RPS6KC1: variants seen among roughly 807,000 people sequenced by gnomAD.
RPS6KC1 encodes the protein inactive ribosomal protein S6 kinase delta-1.
RPS6KC1 carries 54 observed loss-of-function variants against 103.8 expected under a neutral mutation model. The observed-to-expected ratio is 0.52, with a 90% CI of 0.42 to 0.65. The LOEUF (loss-of-function observed/expected upper bound fraction) is 0.65, where lower values mean the gene tolerates loss of function less well. Among genes scored for constraint, RPS6KC1 ranks in the 30% least tolerant of loss-of-function variants. The pLI is 0.00. For missense variants in RPS6KC1, 1,151 were observed against 1,253.8 expected, an observed-to-expected ratio of 0.92 and a Z score of 1.24; for synonymous variants, 439 against 438.7, an observed-to-expected ratio of 1.00 and a Z score of -0.01.
intron 8 of RPS6KC1, among the ~76,000 whole-genome samples, chr1:213,192,048 C>G (rs2092767962): frequency 6.6e-6 from 1 of 152,038 alleles, no homozygotes; most frequent in African/African-American, 2.4e-5. Flanking sequence ...GCCACTGCAC[C>G]CAGCTGAGGT....
the RPS6KC1 span, among the ~76,000 whole-genome samples, chr1:213,307,699 C>T: frequency 3.9e-5 from 6 of 152,260 alleles, no homozygotes; most frequent in African/African-American, 7.2e-5. Flanking sequence ...CAAAGATCAG[C>T]GGGGTCTCCC....
intron 6 of RPS6KC1, among the ~76,000 whole-genome samples, chr1:213,155,341 C>A (rs1319364107): frequency 6.6e-6 from 1 of 152,138 alleles, no homozygotes; most frequent in African/African-American, 2.4e-5. Context: ...AGTTGCAGTC[C>A]TTATGGCCTC....
intron 8 of RPS6KC1, among the ~76,000 whole-genome samples, chr1:213,199,079 T>G (rs779293823): frequency 6.6e-6 from 1 of 152,302 alleles, no homozygotes; most frequent in Non-Finnish European, 1.5e-5. Context: ...GAAGAGCTGG[T>G]ATCATTCCCA....
intron 14 of RPS6KC1, among the ~76,000 whole-genome samples, chr1:213,271,942 A>G (rs1011722822): frequency 2.0e-5 from 3 of 152,020 alleles, no homozygotes; most frequent in African/African-American, 4.8e-5. Context: ...ATTTTTTTTT[A>G]CTTATTTTAC....
chr1:213,363,703 C>CTTCTTTCTTTCTTTCTTTCT, the RPS6KC1 span, among the ~76,000 whole-genome samples: 1 of 17,368 alleles, frequency 5.8e-5, no homozygotes, highest in Admixed American at 4.2e-4. Context: ...TCTTTCTTTC[C>CTTCTTTCTTTCTTTCTTTCT]TTCTTTCTTT....
chr1:213,765,831 A>G, the RPS6KC1 span, among the ~76,000 whole-genome samples: 1 of 152,290 alleles, frequency 6.6e-6, no homozygotes, highest in South Asian at 2.1e-4. Context: ...AACACTATAA[A>G]AAAATTTTTA....
At chr1:213,633,422 C>T in the RPS6KC1 span, among the ~76,000 whole-genome samples, 1,415 of 152,252 alleles carry the variant, frequency 9.3e-3, 18 homozygotes, top group African/African-American at 0.032. Flanking sequence ...GAATTTTCAA[C>T]CCAGAATTTC....
intron 8 of RPS6KC1, among the ~76,000 whole-genome samples, chr1:213,209,015 C>G (rs2093429690): frequency 6.6e-6 from 1 of 151,936 alleles, no homozygotes; most frequent in Admixed American, 6.6e-5. Flanking sequence ...CTTCCTTTCT[C>G]TATTGGTTCA....
the RPS6KC1 span, among the ~76,000 whole-genome samples, chr1:213,402,701 G>A: frequency 1.3e-5 from 2 of 152,068 alleles, no homozygotes; most frequent in Admixed American, 1.3e-4. Context: ...ACAGGTATGT[G>A]CCTGAGAATG....
the RPS6KC1 span, among the ~76,000 whole-genome samples, chr1:213,760,976 C>T: frequency 6.8e-6 from 1 of 146,912 alleles, no homozygotes; most frequent in South Asian, 2.2e-4. Flanking sequence ...AAGGCTCCAA[C>T]AAAATGTTTT....
chr1:213,829,326 C>G, the RPS6KC1 span, among the ~76,000 whole-genome samples: 1 of 144,244 alleles, frequency 6.9e-6, no homozygotes, highest in Non-Finnish European at 1.5e-5. Flanking sequence ...TTAAAGCAAT[C>G]AGGATTAAAG....
chr1:213,809,157 G>A, the RPS6KC1 span, among the ~76,000 whole-genome samples: 1 of 152,106 alleles, frequency 6.6e-6, no homozygotes, highest in Non-Finnish European at 1.5e-5. Flanking sequence ...ACTCTTATAG[G>A]CCACTGTGGG....
At chr1:213,384,059 G>C in the RPS6KC1 span, among the ~76,000 whole-genome samples, 1 of 152,138 alleles carries the variant, frequency 6.6e-6, no homozygotes, top group Admixed American at 6.5e-5. Context: ...GGTGGATCAT[G>C]AAGTCAGGAG....
the RPS6KC1 span, among the ~76,000 whole-genome samples, chr1:213,356,564 G>A: frequency 6.6e-6 from 1 of 152,210 alleles, no homozygotes; most frequent in Non-Finnish European, 1.5e-5. Context: ...GCTGAGGCAG[G>A]AGAATCACTT....
chr1:213,751,806 G>A, the RPS6KC1 span, among the ~76,000 whole-genome samples: 1 of 152,124 alleles, frequency 6.6e-6, no homozygotes, highest in African/African-American at 2.4e-5. Context: ...TTGGTTTGGA[G>A]GTTAAATGAG....
At chr1:213,305,120 T>G in the RPS6KC1 span, among the ~76,000 whole-genome samples, 1 of 152,194 alleles carries the variant, frequency 6.6e-6, no homozygotes, top group Non-Finnish European at 1.5e-5. Context: ...AGTGTTGCTC[T>G]GTTGCCCAGA....
the RPS6KC1 span, among the ~76,000 whole-genome samples, chr1:213,600,443 T>C: frequency 6.6e-6 from 1 of 152,170 alleles, no homozygotes; most frequent in East Asian, 1.9e-4. Context: ...GGTAATTCCA[T>C]TCTGGGAACA....
the RPS6KC1 span, among the ~76,000 whole-genome samples, chr1:213,479,267 C>T: frequency 2.0e-5 from 3 of 152,158 alleles, no homozygotes; most frequent in Non-Finnish European, 4.4e-5. Context: ...TTCTGAGTTA[C>T]AAGATTTGCA....
chr1:213,593,450 A>C, the RPS6KC1 span, among the ~76,000 whole-genome samples: 2 of 152,150 alleles, frequency 1.3e-5, no homozygotes, highest in South Asian at 4.1e-4. Flanking sequence ...ATTCCCCTGG[A>C]AGGGGTTACT....
Sources: gnomAD v4.1 joint callset for allele counts (sites outside exome capture counted in the v4.1 genomes callset) on GRCh38, gnomAD v4.1.1 for gene constraint, MANE v1.5 for transcripts, NCBI Gene and HGNC (gene_info 2026-07-23, HGNC 2026-07-21) for gene names.